The following LAMA1 variants were observed in gnomAD, a reference collection of about 807,000 sequenced individuals.
LAMA1 encodes laminin subunit alpha 1, also known as laminin subunit alpha-1.
LAMA1 carries 219 observed loss-of-function variants against 348.7 expected under a neutral mutation model. The ratio of observed to expected loss-of-function variants is 0.63; its 90% CI spans 0.56 to 0.70. LAMA1 has a LOEUF of 0.70. Among genes scored for constraint, LAMA1 ranks in the 30% least tolerant of loss-of-function variants. The probability of loss-of-function intolerance (pLI) is 0.00; values close to 1 mark genes in which losing one functional copy is unlikely to be tolerated. For missense variants in LAMA1, 3,744 were observed against 3,888.0 expected (o/e 0.96, Z 0.99); for synonymous variants, 1,487 against 1,491.0 (o/e 1.00, Z 0.06).
At position 6,979,511 on chromosome 18, in the gene LAMA1, A is replaced by G. The variant is rs376411332; in HGVS notation, c.6007+1010T>C. Among the ~76,000 whole-genome samples the G allele has an allele frequency of 3.3e-5, 5 of 152,264 alleles. No individual in the cohort carries two copies. The East Asian group carries it at 5.8e-4, about 18-fold the overall frequency. On this transcript the variant is annotated intron_variant, in intron 42 of 62. Transcript: ENST00000389658. ...AGCAAGACACGGTCTCTATAAAACA[A>G]TTGAAATTTTCAAAGTAAAAAACAA...
chr18:7,052,257 C>G (rs1299418803), intron 3 of LAMA1, among the ~76,000 whole-genome samples: 2 of 151,624 alleles, frequency 1.3e-5, no homozygotes, highest in Non-Finnish European at 2.9e-5. Context: ...TGGTAAAATC[C>G]CATCTCTACT....
intron 1 of LAMA1, among the ~76,000 whole-genome samples, chr18:7,093,371 G>C (rs987665104): frequency 6.6e-6 from 1 of 151,968 alleles, no homozygotes; most frequent in Non-Finnish European, 1.5e-5. Flanking sequence ...ATCCAAGATC[G>C]CGCCACTGCA....
chr18:6,975,879 G>GA (rs894704904), intron 45 of LAMA1, 58 bp downstream of exon 45: 2 of 1,608,726 alleles, frequency 1.2e-6, no homozygotes, highest in Admixed American at 1.7e-5. Context: ...TGAAAATTCA[G>GA]AAAAATCTAG....
At chr18:7,004,598 C>A (rs970063366) in intron 29 of LAMA1, among the ~76,000 whole-genome samples, 2 of 152,184 alleles carry the variant, frequency 1.3e-5, no homozygotes, top group Non-Finnish European at 2.9e-5. Context: ...GTGATCCGCC[C>A]ACCTTGGCCT....
rs770019730 is a variant in LAMA1, at chr18:6,986,100, T to C, written c.5379+37A>G. 1.6e-5 allele frequency: 26 copies of C among 1,608,134 alleles called. No individual in the cohort carries two copies. In the African/African-American group the frequency reaches 1.9e-4, roughly 12 times the overall value. ...GCTTACGTTGGAGTATTTTGTTACCTGTTCTAATTGAGAAGGAGAGAGCAA... is the reference window on the plus strand; with the variant it reads ...GCTTACGTTGGAGTATTTTGTTACCCGTTCTAATTGAGAAGGAGAGAGCAA... On this transcript the variant is annotated intron_variant, in intron 37 of 62. Transcript: ENST00000389658.
chr18:6,961,928 A>G lies in LAMA1; in HGVS notation c.7452+17T>C. 1 of 1,591,468 alleles carries G rather than the reference A, an allele frequency of 6.3e-7. No homozygotes were observed. Among genetic ancestry groups the G allele is most frequent in the Non-Finnish European group, 8.6e-7 (1 of 1,159,310 alleles). On this transcript the variant is annotated intron_variant, in intron 52 of 62. Coordinates refer to ENST00000389658, the MANE Select transcript of LAMA1 (RefSeq NM_005559.4). ...CTTATGGAAACTCATTTGAACATTA[A>G]TAACAATGTTTCCTACCTCCAGTAA...
intron 8 of LAMA1, 103 bp downstream of exon 8, chr18:7,043,124 A>T: frequency 9.2e-7 from 1 of 1,090,038 alleles, no homozygotes; most frequent in Non-Finnish European, 1.4e-6. Flanking sequence ...GATATAAATG[A>T]AATATTACAA....
chr18:6,958,332 A>G lies in LAMA1; in HGVS notation c.7964+145T>C, dbSNP rs1600349023. 18 of 790,264 alleles carry G rather than the reference A, an allele frequency of 2.3e-5. No homozygotes were observed. The South Asian group carries it at 2.7e-4, about 12-fold the overall frequency. 49.0% of individuals were successfully genotyped at this position (790,264 alleles called of 1,614,324 possible). The stretch of plus-strand genomic sequence containing the variant: ...ATAAAATCCATCTGGGGAGACTTAC[A>G]TGATAGAACAATGGGGTTCACTCAT... On this transcript the variant is annotated intron_variant, in intron 55 of 62. Transcript: ENST00000389658.
intron 35 of LAMA1, among the ~76,000 whole-genome samples, chr18:6,993,421 T>A (rs2057767041): frequency 6.6e-6 from 1 of 152,162 alleles, no homozygotes; most frequent in African/African-American, 2.4e-5. Context: ...GTTTTAGGCA[T>A]AATGCAGAAA....
At chr18:6,965,804 T>C (rs1568010442) in intron 49 of LAMA1, 4 of 403,848 alleles carry the variant, frequency 9.9e-6, no homozygotes, top group Non-Finnish European at 1.8e-5. Context: ...ATGGATGGAA[T>C]TCAAACAATG....
Position 7,049,108 on chromosome 18 carries a change from A to G in LAMA1, c.738T>C (p.Pro246=). Residue 246 remains proline (P), a synonymous_variant, in exon 5 of 63, where the codon CCT becomes CCC. Transcript: ENST00000389658. ...ADLMTLSHRE[P]KELDPIVTRR... ...TGGTAACAATAGGATCCAGTTCTTT[A>G]GGTTCCCGGTGGCTAAGGGTCATGA... 3 of 1,614,096 alleles carry G rather than the reference A, an allele frequency of 1.9e-6. No individual in the cohort carries two copies. The South Asian group carries it at 3.3e-5, about 18-fold the overall frequency.
In LAMA1 at chr18:7,044,730, G is replaced by T. The variant is rs147036555; in HGVS notation, c.968C>A (p.Thr323Lys). ...WRPGTVSSGN[T>K]CEACNCHNKA... is the part of the protein sequence containing the mutation. ...ATTCTAAGTATACTGACCTTCACAT[G>T]TATTGCCGGAGGACACGGTTCCCGG... The change falls in exon 7 of 63, where the codon ACA becomes AAA. Residue 323 changes from threonine to lysine, a missense_variant. By Grantham distance (78) the Thr-to-Lys change is moderately conservative. This residue lies in a region of LAMA1 where 1,529 missense variants were observed against 1,689.4 expected (regional missense o/e 0.91). Transcript: ENST00000389658. 4 of 1,613,124 alleles carry T rather than the reference G, an allele frequency of 2.5e-6. No homozygotes were observed. In the African/African-American group the frequency reaches 5.3e-5, roughly 22 times the overall value.
chr18:7,054,027 T>G (rs2058072130), intron 3 of LAMA1, among the ~76,000 whole-genome samples: 1 of 152,228 alleles, frequency 6.6e-6, no homozygotes, highest in African/African-American at 2.4e-5. Flanking sequence ...CACCTTGACC[T>G]CCCAAAGTGC....
intron 55 of LAMA1, 49 bp downstream of exon 55, chr18:6,958,428 C>G: frequency 1.3e-6 from 2 of 1,586,248 alleles, no homozygotes; most frequent in Middle Eastern, 1.7e-4. Flanking sequence ...TAGCACTCAC[C>G]ATGAAAGGTC....
intron 48 of LAMA1, among the ~76,000 whole-genome samples, chr18:6,969,148 T>C (rs987376704): frequency 6.6e-6 from 1 of 152,138 alleles, no homozygotes; most frequent in African/African-American, 2.4e-5. Context: ...ATGCACTTTT[T>C]TTTTTTTGAG....
At chr18:6,956,234 C>A in intron 56 of LAMA1, 1 of 342,914 alleles carries the variant, frequency 2.9e-6, no homozygotes, top group African/African-American at 2.2e-5. Flanking sequence ...AATATTTGGC[C>A]AGAACTGGCT....
intron 44 of LAMA1, among the ~76,000 whole-genome samples, chr18:6,976,502 T>C (rs1326311944): frequency 6.6e-6 from 1 of 152,212 alleles, no homozygotes; most frequent in Non-Finnish European, 1.5e-5. Context: ...CATATTTCTT[T>C]GACTAGTAAT....
rs993040104 is a variant in LAMA1, at chr18:6,975,122, G to C, written c.6490-86C>G. On this transcript the variant is annotated intron_variant, in intron 45 of 62. Transcript: ENST00000389658. ...AACACTTTACAGAGTCAATTCTTACGGGGTTTTCTCTTTTCTTAAAAATAA... is the reference window on the plus strand; with the variant it reads ...AACACTTTACAGAGTCAATTCTTACCGGGTTTTCTCTTTTCTTAAAAATAA... The C allele has an allele frequency of 2.8e-6, 4 of 1,449,026 alleles. No homozygotes were observed. The African/African-American group carries it at 5.7e-5, about 21-fold the overall frequency. 89.8% of individuals were successfully genotyped at this position (1,449,026 alleles called of 1,614,324 possible).
intron 1 of LAMA1, among the ~76,000 whole-genome samples, chr18:7,110,584 G>C (rs1241059912): frequency 2.0e-5 from 3 of 152,196 alleles, no homozygotes; most frequent in African/African-American, 7.2e-5. Flanking sequence ...CACTTTGAGA[G>C]GCTAAGGCAG....
Sources: gnomAD v4.1 joint callset for allele counts (sites outside exome capture counted in the v4.1 genomes callset) on GRCh38, gnomAD v4.1.1 for gene constraint, gnomAD v4.1.1 regional missense constraint, MANE v1.5 for transcripts, NCBI Gene and HGNC (gene_info 2026-07-23, HGNC 2026-07-21) for gene names.